The following ANXA8 variants were observed in gnomAD, a reference collection of about 807,000 sequenced individuals.
The protein encoded by ANXA8 is VAC-beta.
Under a neutral mutation model 26.8 loss-of-function variants are expected in ANXA8, and 9 were observed. That is an observed-to-expected ratio of 0.34 (90% CI 0.20 to 0.59). ANXA8 has a LOEUF of 0.59. Ranked by LOEUF, ANXA8 falls within the 20% of genes least tolerant of loss-of-function variation. The pLI, the probability that ANXA8 is intolerant of heterozygous loss-of-function variation, is 0.84. For missense variants in ANXA8, 83 were observed against 238.5 expected (o/e 0.35, Z 4.29); for synonymous variants, 39 against 94.8 (o/e 0.41, Z 3.42).
the ANXA8 span, among the ~76,000 whole-genome samples, chr10:47,543,871 T>C: frequency 1.4e-5 from 2 of 139,368 alleles, no homozygotes; most frequent in African/African-American, 5.6e-5. Context: ...GTGACATTCA[T>C]TCCATAAGAC....
In ANXA8 at chr10:47,484,111, G is replaced by A. The variant is rs1164933988; in HGVS notation, c.-178C>T. 2.6e-6 allele frequency: 4 copies of A among 1,518,230 alleles called. No homozygotes were observed. The highest frequency in any genetic ancestry group is 3.6e-6 in the Non-Finnish European group (4 of 1,105,230). 94.0% of individuals were successfully genotyped at this position (1,518,230 alleles called of 1,614,324 possible). A position where few individuals can be genotyped will look rare whatever the true frequency, so the allele number is the denominator to read the frequency against. On this transcript the variant is annotated 5_prime_UTR_variant, in exon 1 of 12. Transcript: ENST00000585281. ...CTGCCTGCCGTCCCCTCGCCCCCGG[G>A]CTCTGCCTGGCTTTGGGCATCTCCT... is the stretch of plus-strand genomic sequence containing the variant.
At chr10:47,510,129 C>A in the ANXA8 span, 36 of 1,189,834 alleles carry the variant, frequency 3.0e-5, 1 homozygote, top group Non-Finnish European at 3.6e-5. Flanking sequence ...AAATAATTTC[C>A]GAATAAAGGA....
At chr10:47,604,989 A>G in the ANXA8 span, among the ~76,000 whole-genome samples, 5 of 151,342 alleles carry the variant, frequency 3.3e-5, no homozygotes, top group South Asian at 4.1e-4. Flanking sequence ...CAGATACTTC[A>G]TGAGATGCTT....
chr10:47,777,313 GT>G, the ANXA8 span, among the ~76,000 whole-genome samples: 1 of 151,610 alleles, frequency 6.6e-6, no homozygotes. Flanking sequence ...ATCTGATGTG[GT>G]TTTTGTTTTA....
chr10:47,666,182 GCCCCCCCCA>G, the ANXA8 span, among the ~76,000 whole-genome samples: 1 of 75,472 alleles, frequency 1.3e-5, no homozygotes, highest in African/African-American at 5.6e-5. Context: ...CCTCTTACCC[GCCCCCCCCA>G]TCCCCCACCC....
chr10:47,667,733 G>A, the ANXA8 span, among the ~76,000 whole-genome samples: 1 of 150,968 alleles, frequency 6.6e-6, no homozygotes, highest in Non-Finnish European at 1.5e-5. Flanking sequence ...TTGTTTTTTT[G>A]TTTTGTTTTG....
the ANXA8 span, among the ~76,000 whole-genome samples, chr10:47,626,311 A>G: frequency 1.3e-5 from 2 of 150,282 alleles, no homozygotes; most frequent in Non-Finnish European, 1.5e-5. Flanking sequence ...CTTTTTTCAC[A>G]TGAATTGCTG....
At chr10:47,722,558 A>G in the ANXA8 span, among the ~76,000 whole-genome samples, 1 of 139,954 alleles carries the variant, frequency 7.1e-6, no homozygotes, top group South Asian at 2.2e-4. Context: ...ATTCATTTCC[A>G]AAGTGGCTCA....
At chr10:47,516,034 A>T in the ANXA8 span, among the ~76,000 whole-genome samples, 3 of 131,142 alleles carry the variant, frequency 2.3e-5, 1 homozygote, top group African/African-American at 8.8e-5. Flanking sequence ...CAAAAAATAT[A>T]AAATTCAATA....
the ANXA8 span, among the ~76,000 whole-genome samples, chr10:47,573,915 C>T: frequency 6.7e-6 from 1 of 149,678 alleles, no homozygotes; most frequent in Non-Finnish European, 1.5e-5. Flanking sequence ...TTATACCAGC[C>T]CTGTATCCAA....
chr10:47,689,187 A>G, the ANXA8 span, among the ~76,000 whole-genome samples: 1 of 150,760 alleles, frequency 6.6e-6, no homozygotes, highest in African/African-American at 2.4e-5. Flanking sequence ...CCTTAAAGAG[A>G]GTCTTTTTTT....
At chr10:47,946,325 T>C in the ANXA8 span, among the ~76,000 whole-genome samples, 23 of 150,504 alleles carry the variant, frequency 1.5e-4, no homozygotes, top group South Asian at 3.4e-3. Context: ...ATTCTTGCGA[T>C]GGTTGGGCTA....
At chr10:47,729,731 CA>C in the ANXA8 span, among the ~76,000 whole-genome samples, 1 of 146,496 alleles carries the variant, frequency 6.8e-6, no homozygotes, top group Non-Finnish European at 1.5e-5. Context: ...TTTCTTGTGT[CA>C]GGGGGATCAC....
chr10:47,612,777 T>TAG, the ANXA8 span, among the ~76,000 whole-genome samples: 1 of 74,058 alleles, frequency 1.4e-5, no homozygotes, highest in Non-Finnish European at 3.4e-5. Flanking sequence ...TACTCAGCCC[T>TAG]CTTGCCATAC....
At chr10:47,650,449 C>G in the ANXA8 span, among the ~76,000 whole-genome samples, 1 of 151,632 alleles carries the variant, frequency 6.6e-6, no homozygotes, top group Admixed American at 6.6e-5. Flanking sequence ...TGTTAAGGGT[C>G]TAGTATTTAG....
At chr10:47,971,058 C>G in the ANXA8 span, among the ~76,000 whole-genome samples, 1 of 151,428 alleles carries the variant, frequency 6.6e-6, no homozygotes, top group African/African-American at 2.4e-5. Flanking sequence ...AAGTTACTTG[C>G]CCTCTCTGAT....
At chr10:47,594,067 C>T in the ANXA8 span, among the ~76,000 whole-genome samples, 1 of 147,770 alleles carries the variant, frequency 6.8e-6, no homozygotes, top group Non-Finnish European at 1.5e-5. Context: ...GGCCTTCAGC[C>T]ACAGACTGAA....
the ANXA8 span, among the ~76,000 whole-genome samples, chr10:47,533,229 G>GATA: frequency 6.9e-4 from 27 of 39,258 alleles, no homozygotes; most frequent in South Asian, 1.4e-3. Context: ...ACACACCCCC[G>GATA]CAGACACCCT....
At chr10:47,734,876 A>G in the ANXA8 span, among the ~76,000 whole-genome samples, 2 of 127,244 alleles carry the variant, frequency 1.6e-5, no homozygotes, top group Admixed American at 1.6e-4. Flanking sequence ...AAAGTTAGCC[A>G]GGCGTGGTGG....
Sources: gnomAD v4.1 joint callset for allele counts (sites outside exome capture counted in the v4.1 genomes callset) on GRCh38, gnomAD v4.1.1 for gene constraint, MANE v1.5 for transcripts, NCBI Gene and HGNC (gene_info 2026-07-23, HGNC 2026-07-21) for gene names.